Variants in PTPRH observed in about 807,000 individuals in gnomAD.
PTPRH encodes receptor-type tyrosine-protein phosphatase H.
In PTPRH, 113 loss-of-function variants were observed where a neutral mutation model predicts 130.2. The observed-to-expected ratio is 0.87, with a 90% confidence interval of 0.75 to 1.01. The LOEUF (loss-of-function observed/expected upper bound fraction) is 1.01, where lower values mean the gene tolerates loss of function less well. PTPRH is among the 50% of genes least tolerant of loss of function. PTPRH has a pLI of 0.00. For missense variants in PTPRH, 1,430 were observed against 1,425.0 expected (o/e 1.00, Z -0.06); for synonymous variants, 556 against 577.9 (o/e 0.96, Z 0.54).
chr19:55,190,760 G>A (rs1448027204), intron 12 of PTPRH, among the ~76,000 whole-genome samples: 2 of 150,708 alleles, frequency 1.3e-5, no homozygotes, highest in African/African-American at 4.9e-5. Flanking sequence ...CACCTGCGTA[G>A]CTGGGATTAC....
At chr19:55,199,763 G>GAA (rs2086798409) in intron 7 of PTPRH, among the ~76,000 whole-genome samples, 1 of 146,914 alleles carries the variant, frequency 6.8e-6, no homozygotes, top group African/African-American at 2.5e-5. Context: ...GAAAGAGAAA[G>GAA]AGAAAGAAAG....
intron 18 of PTPRH, among the ~76,000 whole-genome samples, chr19:55,185,034 A>G (rs2086278764): frequency 6.7e-6 from 1 of 150,144 alleles, no homozygotes; most frequent in Non-Finnish European, 1.5e-5. Flanking sequence ...AGACAGAGTC[A>G]CCCAGGCTGG....
intron 7 of PTPRH, 110 bp from the exon 8 acceptor site, chr19:55,199,022 T>A (rs1387316181): frequency 8.9e-7 from 1 of 1,124,678 alleles, no homozygotes; most frequent in East Asian, 3.1e-5. Flanking sequence ...AAACACTTCC[T>A]GGCAGGGCAC....
At chr19:55,190,503 T>C (rs1469741150) in intron 12 of PTPRH, among the ~76,000 whole-genome samples, 1 of 141,152 alleles carries the variant, frequency 7.1e-6, no homozygotes, top group Non-Finnish European at 1.5e-5. Context: ...TTATATATTA[T>C]ATTATATATA....
chr19:55,198,310 C>A (rs931881239), intron 8 of PTPRH, among the ~76,000 whole-genome samples: 1 of 152,156 alleles, frequency 6.6e-6, no homozygotes, highest in East Asian at 1.9e-4. Flanking sequence ...GGGGCCCTCT[C>A]GCTTCATCTA....
At chr19:55,198,515 A>G in intron 8 of PTPRH, 128 bp downstream of exon 8, 1 of 1,042,192 alleles carries the variant, frequency 9.6e-7, no homozygotes, top group Non-Finnish European at 1.3e-6. Context: ...CTACAGGTTT[A>G]AGCTCCGGCC....
intron 7 of PTPRH, 52 bp from the exon 8 acceptor site, chr19:55,198,964 C>G (rs749473173): frequency 6.9e-7 from 1 of 1,458,654 alleles, no homozygotes; most frequent in South Asian, 1.5e-5. Flanking sequence ...CCTCAAGAGT[C>G]CAGAACACAG....
At chr19:55,188,041 A>T in intron 13 of PTPRH, 37 bp downstream of exon 13, 3 of 1,554,434 alleles carry the variant, frequency 1.9e-6, no homozygotes, top group Non-Finnish European at 2.7e-6. Context: ...GGGCCACCGG[A>T]GGGAGACTGA....
Position 55,186,310 on chromosome 19 carries a change from T to C in PTPRH, c.2693A>G (p.Gln898Arg). 1 of 1,614,058 alleles carries C rather than the reference T, an allele frequency of 6.2e-7. No homozygotes were observed. Among genetic ancestry groups the C allele is most frequent in the South Asian group, 1.1e-5 (1 of 91,088 alleles). The change falls in exon 16 of 20, where the codon CAG becomes CGG. Residue 898 changes from glutamine to arginine, a missense_variant. By Grantham distance (43) the Gln-to-Arg change is conservative (BLOSUM62 1). Coordinates refer to ENST00000376350, the MANE Select transcript of PTPRH (RefSeq NM_002842.5). ...EFIATQGPLP[Q>R]TVGDFWRLVW... ...CAGGCGCCAGAAGTCACCCACTGTC[T>C]GTGGCAGGGGACCCTGGGTTGCAAT...
intron 13 of PTPRH, 148 bp downstream of exon 13, chr19:55,187,930 A>G (rs1035507971): frequency 3.1e-6 from 2 of 637,098 alleles, no homozygotes; most frequent in East Asian, 2.7e-5. Context: ...GAAAGATAAC[A>G]TGGCTGGGAA....
intron 5 of PTPRH, among the ~76,000 whole-genome samples, chr19:55,202,697 G>A (rs1214256192): frequency 1.3e-5 from 2 of 151,980 alleles, no homozygotes; most frequent in Non-Finnish European, 2.9e-5. Flanking sequence ...TACTCAGTGT[G>A]TATATTTAAT....
At chr19:55,200,557 C>A in intron 6 of PTPRH, 55 bp from the exon 7 acceptor site, 1 of 1,564,662 alleles carries the variant, frequency 6.4e-7, no homozygotes, top group Non-Finnish European at 8.7e-7. Context: ...CAGAACGGGG[C>A]AGGAGTGGGC....
chr19:55,186,997 G>A (rs1197270592), intron 14 of PTPRH, among the ~76,000 whole-genome samples: 3 of 148,818 alleles, frequency 2.0e-5, no homozygotes, highest in East Asian at 4.0e-4. Context: ...GTGAGCGGAG[G>A]TGGTGCCACT....
In PTPRH at chr19:55,203,326, CA is replaced by C. The variant is rs531285040; in HGVS notation, c.886+455del. 5.1e-3 allele frequency among the ~76,000 whole-genome samples: 383 copies of C among 75,170 alleles called. 2 individuals carry two copies. The highest frequency in any genetic ancestry group is 0.011 in the African/African-American group (231 of 20,400). The allele number at this position is 75,170 out of a possible 152,430, so 49.3% of individuals were successfully genotyped here. A position where few individuals can be genotyped will look rare whatever the true frequency, so the allele number is the denominator to read the frequency against. ...TGGGCGACAGAGGGAGACTCTGTCT[CA>C]AAAAAAAAAAAAAAAAAATTGTATC... is the stretch of plus-strand genomic sequence containing the variant. On this transcript the variant is annotated intron_variant, in intron 5 of 19. Transcript: ENST00000376350.
In PTPRH at chr19:55,181,571, G is replaced by T; in HGVS notation, c.*183C>A. 1 of 737,224 alleles carries T rather than the reference G, an allele frequency of 1.4e-6. No homozygotes were observed. Among genetic ancestry groups the T allele is most frequent in the South Asian group, 1.8e-5 (1 of 56,806 alleles). 45.7% of individuals were successfully genotyped at this position (737,224 alleles called of 1,614,324 possible). A position where few individuals can be genotyped will look rare whatever the true frequency, so the allele number is the denominator to read the frequency against. ...GAATCCAGATCCCCAGCTCCCATAG[G>T]ACTCATCTGAAGCCCACCAGACCAC... On this transcript the variant is annotated 3_prime_UTR_variant, in exon 20 of 20. Coordinates refer to ENST00000376350, the MANE Select transcript of PTPRH (RefSeq NM_002842.5).
chr19:55,202,418 G>A, intron 5 of PTPRH, 96 bp from the exon 6 acceptor site: 1 of 1,541,336 alleles, frequency 6.5e-7, no homozygotes, highest in Non-Finnish European at 8.8e-7. Context: ...GTGGAGGCAG[G>A]GAGGCCCAGT....
At chr19:55,187,960 C>T in intron 13 of PTPRH, 118 bp downstream of exon 13, 2 of 721,088 alleles carry the variant, frequency 2.8e-6, no homozygotes, top group Non-Finnish European at 4.9e-6. Context: ...AATCCAATGA[C>T]ATATGTGATG....
At position 55,200,500 on chromosome 19, in the gene PTPRH, G is replaced by C. The variant is rs2086826557; in HGVS notation, c.1156C>G (p.Pro386Ala). 3.1e-6 allele frequency: 5 copies of C among 1,613,880 alleles called. No individual in the cohort carries two copies. The highest frequency in any genetic ancestry group is 4.2e-6 in the Non-Finnish European group (5 of 1,179,884). The change falls in exon 7 of 20, where the codon CCC becomes GCC. Residue 386 changes from proline (P) to alanine (A), a missense_variant and splice_region_variant. By Grantham distance (27) the Pro-to-Ala change is conservative (BLOSUM62 -1). Coordinates refer to ENST00000376350, the MANE Select transcript of PTPRH (RefSeq NM_002842.5). The stretch of plus-strand genomic sequence containing the variant: ...ATATGGAGGTTTCTCACTGGGTTGG[G>C]GGCTGAGAAAGTAGGAAGAAGATCC... Reference protein sequence around the residue: ...SRETRNATTAPNPVRNLHMET... With the variant: ...SRETRNATTAANPVRNLHMET...
At chr19:55,205,706 T>C in intron 3 of PTPRH, 114 bp from the exon 4 acceptor site, 2 of 1,459,410 alleles carry the variant, frequency 1.4e-6, no homozygotes, top group Non-Finnish European at 1.8e-6. Context: ...AGCTCTGCAC[T>C]GTCCAGTGTG....
Sources: gnomAD v4.1 joint callset for allele counts (sites outside exome capture counted in the v4.1 genomes callset) on GRCh38, gnomAD v4.1.1 for gene constraint, MANE v1.5 for transcripts, NCBI Gene and HGNC (gene_info 2026-07-23, HGNC 2026-07-21) for gene names.